Variants in FAM107B observed in about 807,000 individuals in gnomAD.
The protein encoded by FAM107B is protein FAM107B.
In FAM107B, 21 loss-of-function variants were observed where a neutral mutation model predicts 31.5. That is an observed-to-expected ratio of 0.67 (90% confidence interval 0.47 to 0.96). The LOEUF (loss-of-function observed/expected upper bound fraction) is 0.96, where lower values mean the gene tolerates loss of function less well. FAM107B is among the 40% of genes least tolerant of loss of function. The pLI is 0.00. For synonymous variants in FAM107B, 157 were observed against 141.5 expected, an observed-to-expected ratio of 1.11 and a Z score of -0.78; for missense variants, 452 against 377.1, an observed-to-expected ratio of 1.20 and a Z score of -1.64.
intron 1 of FAM107B, among the ~76,000 whole-genome samples, chr10:14,733,805 G>A (rs1021443310): frequency 6.6e-6 from 1 of 152,170 alleles, no homozygotes; most frequent in South Asian, 2.1e-4. Flanking sequence ...TCTGATTCCA[G>A]ACCCCATCTT....
chr10:14,523,138 T>C (rs1012124367), intron 3 of FAM107B, among the ~76,000 whole-genome samples: 12 of 152,248 alleles, frequency 7.9e-5, no homozygotes, highest in Admixed American at 5.2e-4. Flanking sequence ...TCTGTCTGTT[T>C]AACTGTTAGC....
At chr10:14,529,572 A>C (rs67076145) in intron 3 of FAM107B, 19,888 of 152,138 alleles carry the variant, frequency 0.13, 1,394 homozygotes, top group Non-Finnish European at 0.15. Context: ...CTTAGCAAAG[A>C]GTGGGCAAAT....
At chr10:14,733,272 T>C (rs1182127737) in intron 1 of FAM107B, among the ~76,000 whole-genome samples, 1 of 152,096 alleles carries the variant, frequency 6.6e-6, no homozygotes. Flanking sequence ...GTTTTCAAAA[T>C]AAAACAGCCC....
intron 2 of FAM107B, among the ~76,000 whole-genome samples, chr10:14,549,531 G>A (rs1849059138): frequency 6.6e-6 from 1 of 152,212 alleles, no homozygotes; most frequent in Non-Finnish European, 1.5e-5. Flanking sequence ...TGTGGGTACT[G>A]GAATAAGGGA....
At chr10:14,672,813 A>G (rs1425951551) in intron 1 of FAM107B, among the ~76,000 whole-genome samples, 5 of 152,230 alleles carry the variant, frequency 3.3e-5, no homozygotes. Context: ...AAGGAATAAA[A>G]AAACTTAAAA....
Position 14,520,792 on chromosome 10 carries a change from C to T in FAM107B, c.*398G>A, listed in dbSNP as rs1158310793. 1 of 162,430 alleles carries T rather than the reference C, an allele frequency of 6.2e-6. No individual in the cohort carries two copies. The highest frequency in any genetic ancestry group is 1.3e-5 in the Non-Finnish European group (1 of 75,378). The allele number at this position is 162,430 out of a possible 1,614,324, so 10.1% of individuals were successfully genotyped here. Reference sequence around the variant, plus strand: ...ACAGATAACAAAAAGAGGAATTAAACACTTGTTTTTTAGCTTTTAAAAGAA... The same window carrying T: ...ACAGATAACAAAAAGAGGAATTAAATACTTGTTTTTTAGCTTTTAAAAGAA... On this transcript the variant is annotated 3_prime_UTR_variant, in exon 5 of 5. Coordinates refer to ENST00000181796, the MANE Select transcript of FAM107B (RefSeq NM_031453.4).
intron 2 of FAM107B, chr10:14,532,649 G>A (rs897433939): frequency 6.6e-6 from 1 of 152,170 alleles, no homozygotes; most frequent in Non-Finnish European, 1.5e-5. Context: ...CTGTCCCATG[G>A]AAAAACGTGC....
chr10:14,684,949 C>G (rs1021008388), intron 1 of FAM107B, among the ~76,000 whole-genome samples: 1 of 151,542 alleles, frequency 6.6e-6, no homozygotes, highest in Non-Finnish European at 1.5e-5. Context: ...ACCTTCCAAT[C>G]AGCTGGGACC....
chr10:14,739,395 G>A (rs573442846), intron 1 of FAM107B, among the ~76,000 whole-genome samples: 18 of 152,288 alleles, frequency 1.2e-4, no homozygotes, highest in African/African-American at 3.1e-4. Flanking sequence ...TAGGGCAGGC[G>A]CTGGGGACAG....
intron 2 of FAM107B, among the ~76,000 whole-genome samples, chr10:14,560,837 A>T (rs1850178215): frequency 6.6e-6 from 1 of 152,226 alleles, no homozygotes; most frequent in South Asian, 2.1e-4. Context: ...CATATTAGAA[A>T]TTTAAAATTG....
In FAM107B at chr10:14,716,432, G is replaced by A. The variant is rs560275812; in HGVS notation, c.412-48741C>T. On this transcript the variant is annotated intron_variant, in intron 1 of 4. Transcript: ENST00000181796. Reference sequence around the variant, plus strand: ...GGCCTCTCCACAGGGCTGCTTGAGTGTCCTCATGACATGGCAGCTGGCTTC... The same window carrying A: ...GGCCTCTCCACAGGGCTGCTTGAGTATCCTCATGACATGGCAGCTGGCTTC... 2.0e-5 allele frequency among the ~76,000 whole-genome samples: 3 copies of A among 152,354 alleles called. No homozygotes were observed. The South Asian group carries it at 6.2e-4, about 32-fold the overall frequency.
chr10:14,700,951 T>C (rs903372013), intron 1 of FAM107B, among the ~76,000 whole-genome samples: 6 of 151,742 alleles, frequency 4.0e-5, no homozygotes, highest in African/African-American at 1.5e-4. Flanking sequence ...TGGGGTGCTG[T>C]AATCCAGCAA....
chr10:14,736,635 C>A (rs1266744292), intron 1 of FAM107B, among the ~76,000 whole-genome samples: 1 of 152,106 alleles, frequency 6.6e-6, no homozygotes, highest in African/African-American at 2.4e-5. Flanking sequence ...TTTCTGAGTC[C>A]AAGATCCATG....
intron 2 of FAM107B, among the ~76,000 whole-genome samples, chr10:14,569,877 C>T (rs1273284355): frequency 6.6e-6 from 1 of 152,208 alleles, no homozygotes; most frequent in African/African-American, 2.4e-5. Flanking sequence ...AGAACCTTGG[C>T]CAGCCTCAGC....
At chr10:14,620,533 AT>A (rs71388191) in intron 2 of FAM107B, among the ~76,000 whole-genome samples, 30,449 of 151,774 alleles carry the variant, frequency 0.2, 3,631 homozygotes, top group East Asian at 0.44. Context: ...TGCTTACTGT[AT>A]TTTTTTTATT....
chr10:14,742,757 T>G (rs1379947124), intron 1 of FAM107B, among the ~76,000 whole-genome samples: 3 of 152,166 alleles, frequency 2.0e-5, no homozygotes, highest in Non-Finnish European at 4.4e-5. Context: ...TATCTCCCCT[T>G]AGCTCCTGCC....
chr10:14,703,043 A>T (rs1855437500), intron 1 of FAM107B, among the ~76,000 whole-genome samples: 1 of 143,254 alleles, frequency 7.0e-6, no homozygotes, highest in Non-Finnish European at 1.6e-5. Flanking sequence ...CCACCCATTC[A>T]TTCTCCCAGG....
At chr10:14,609,424 C>T (rs1852672904) in intron 2 of FAM107B, among the ~76,000 whole-genome samples, 1 of 152,152 alleles carries the variant, frequency 6.6e-6, no homozygotes, top group South Asian at 2.1e-4. Flanking sequence ...GGTTATAGGA[C>T]TGAGGACCCA....
intron 2 of FAM107B, among the ~76,000 whole-genome samples, chr10:14,592,614 T>C (rs1215260805): frequency 6.6e-6 from 1 of 152,226 alleles, no homozygotes; most frequent in African/African-American, 2.4e-5. Flanking sequence ...ATAACTTGCA[T>C]AAAGTGCATG....
Sources: gnomAD v4.1 joint callset for allele counts (sites outside exome capture counted in the v4.1 genomes callset) on GRCh38, gnomAD v4.1.1 for gene constraint, MANE v1.5 for transcripts, NCBI Gene and HGNC (gene_info 2026-07-23, HGNC 2026-07-21) for gene names.